The following GSX2 variants were observed in gnomAD, a reference collection of about 807,000 sequenced individuals.
GSX2 encodes the protein genetic-screened homeobox 2.
GSX2 carries 16 observed loss-of-function variants against 19.2 expected under a neutral mutation model. The observed-to-expected ratio is 0.84, with a 90% CI of 0.57 to 1.27. GSX2 has a LOEUF of 1.27. Among genes scored for constraint, GSX2 ranks in the 50% most tolerant of loss-of-function variants. The pLI, the probability that GSX2 is intolerant of heterozygous loss-of-function variation, is 0.00. For missense variants in GSX2, 448 were observed against 428.4 expected, an observed-to-expected ratio of 1.05 and a Z score of -0.40; for synonymous variants, 217 against 196.4, an observed-to-expected ratio of 1.10 and a Z score of -0.88.
At position 54,102,489 on chromosome 4, in the gene GSX2, A is replaced by G. The variant is rs1578005710; in HGVS notation, c.*567A>G. The G allele has an allele frequency of 6.6e-6, 1 of 152,324 alleles. No individual in the cohort carries two copies. Among genetic ancestry groups the G allele is most frequent in the East Asian group, 1.9e-4 (1 of 5,186 alleles). The allele number at this position is 152,324 out of a possible 1,614,324, so 9.4% of individuals were successfully genotyped here. A position where few individuals can be genotyped will look rare whatever the true frequency, so the allele number is the denominator to read the frequency against. On this transcript the variant is annotated 3_prime_UTR_variant, in exon 2 of 2. Coordinates refer to ENST00000326902, the MANE Select transcript of GSX2 (RefSeq NM_133267.3). ...TATATTTATTTAAATAAATGAAACA[A>G]AAACCAGAATTTTAAATCTGTGGTG...
chr4:54,100,365 C>A lies in GSX2; in HGVS notation c.21C>A (p.Val7=), dbSNP rs144560606. The A allele has an allele frequency of 9.0e-5, 146 of 1,613,666 alleles. No individual in the cohort carries two copies. The highest frequency in any genetic ancestry group is 1.2e-4 in the Non-Finnish European group (136 of 1,179,950). MSRSFY[V]DSLIIKDTSR... is the part of the protein sequence containing the mutation. ...TCGACATGTCGCGCTCCTTCTATGTCGACTCGCTCATCATCAAGGACACCT... is the reference window on the plus strand; with the variant it reads ...TCGACATGTCGCGCTCCTTCTATGTAGACTCGCTCATCATCAAGGACACCT... Residue 7 remains valine (V), a synonymous_variant, in exon 1 of 2, where the codon GTC becomes GTA. Coordinates refer to ENST00000326902, the MANE Select transcript of GSX2 (RefSeq NM_133267.3).
chr4:54,100,561 C>T lies in GSX2; in HGVS notation c.217C>T (p.Arg73Trp). The part of the protein sequence containing the change: ...LCVTSHLHSS[R>W]GSVGAGSGGA... ...CGTCACTTCGCACCTGCACTCCTCT[C>T]GGGGGTCTGTGGGCGCCGGCAGCGG... Residue 73 changes from arginine to tryptophan, a missense_variant, in exon 1 of 2, where the codon CGG becomes TGG. Arg to Trp is a moderately radical substitution (Grantham distance 101). Coordinates refer to ENST00000326902, the MANE Select transcript of GSX2 (RefSeq NM_133267.3). 2.5e-6 allele frequency: 4 copies of T among 1,587,206 alleles called. No homozygotes were observed. The highest frequency in any genetic ancestry group is 1.1e-5 in the South Asian group (1 of 88,680).
Position 54,100,684 on chromosome 4 carries a change from G to A in GSX2, c.340G>A (p.Gly114Arg). The change falls in exon 1 of 2, where the codon GGG (glycine) becomes AGG (arginine). Residue 114 changes from glycine to arginine, a missense_variant. Gly to Arg is a moderately radical substitution (Grantham distance 125). Coordinates refer to ENST00000326902, the MANE Select transcript of GSX2 (RefSeq NM_133267.3). ...TAAGGGCCAGTTCTCTTCGGCTCCT[G>A]GGGACGCGCAGTTTTGCCCGCGGGT... ...LLKGQFSSAP[G>R]DAQFCPRVNH... 1 of 1,548,564 alleles carries A rather than the reference G, an allele frequency of 6.5e-7. No individual in the cohort carries two copies. The highest frequency in any genetic ancestry group is 1.4e-5 in the African/African-American group (1 of 72,940).
rs1259404184 is a variant in GSX2, at chr4:54,101,139, C to T, written c.574+221C>T. Among the ~76,000 whole-genome samples the T allele has an allele frequency of 2.0e-5, 3 of 152,244 alleles. No individual in the cohort carries two copies. Among genetic ancestry groups the T allele is most frequent in the African/African-American group, 7.2e-5 (3 of 41,466 alleles). On this transcript the variant is annotated intron_variant, in intron 1 of 1. Transcript: ENST00000326902. This position sits in a 1 kb window ranked among gnomAD's most constrained non-coding sequence, Gnocchi z 5.0. Reference sequence around the variant, plus strand: ...TGCGTTTTACTCCTAGTAGTAGGTGCTCGAGTATTGCCTTATTAATACTGG... The same window carrying T: ...TGCGTTTTACTCCTAGTAGTAGGTGTTCGAGTATTGCCTTATTAATACTGG...
chr4:54,101,998 G>T lies in GSX2; in HGVS notation c.*76G>T. On this transcript the variant is annotated 3_prime_UTR_variant, in exon 2 of 2. Coordinates refer to ENST00000326902, the MANE Select transcript of GSX2 (RefSeq NM_133267.3). This position sits in a 1 kb window ranked among gnomAD's most constrained non-coding sequence, Gnocchi z 5.0. ...CAAGGCGTGGGGCACCCAGGGGCCA[G>T]AATCCTTGCTCATTGCAGTGGTCCC... The T allele has an allele frequency of 7.9e-7, 1 of 1,270,602 alleles. No individual in the cohort carries two copies. Among genetic ancestry groups the T allele is most frequent in the Non-Finnish European group, 1.1e-6 (1 of 928,666 alleles). The allele number at this position is 1,270,602 out of a possible 1,614,324, so 78.7% of individuals were successfully genotyped here.
Position 54,100,483 on chromosome 4 carries a change from G to T in GSX2, c.139G>T (p.Gly47Cys). 6.2e-7 allele frequency: 1 copy of T among 1,613,766 alleles called. No individual in the cohort carries two copies. ...GCCCCCATTGGTGATGTCCGTGTCCGGCCCCGGCTGCCCGTCCCGCAAGAG... is the reference window on the plus strand; with the variant it reads ...GCCCCCATTGGTGATGTCCGTGTCCTGCCCCGGCTGCCCGTCCCGCAAGAG... ...MPPPLVMSVS[G>C]PGCPSRKSGA... The change falls in exon 1 of 2, where the codon GGC becomes TGC. Residue 47 changes from glycine to cysteine, a missense_variant. Coordinates refer to ENST00000326902, the MANE Select transcript of GSX2 (RefSeq NM_133267.3).
At position 54,100,638 on chromosome 4, in the gene GSX2, C is replaced by G; in HGVS notation, c.294C>G (p.Ala98=). The G allele has an allele frequency of 6.5e-7, 1 of 1,547,906 alleles. No individual in the cohort carries two copies. Among genetic ancestry groups the G allele is most frequent in the Non-Finnish European group, 8.7e-7 (1 of 1,146,280 alleles). ...TGAGGSGVAG[A]AGALPLLKGQ... Reference sequence around the variant, plus strand: ...CCGGAGGCAGTGGGGTGGCAGGGGCCGCAGGGGCACTGCCTCTGCTTAAGG... The same window carrying G: ...CCGGAGGCAGTGGGGTGGCAGGGGCGGCAGGGGCACTGCCTCTGCTTAAGG... The change falls in exon 1 of 2, where the codon GCC becomes GCG. Residue 98 remains alanine, a synonymous_variant. Coordinates refer to ENST00000326902, the MANE Select transcript of GSX2 (RefSeq NM_133267.3).
chr4:54,101,008 G>A lies in GSX2; in HGVS notation c.574+90G>A, dbSNP rs1718163829. ...CTCCAGTGGAGGAAGTGGGAGCCCG[G>A]GGACAGGGTGAAGAGAGAGGACGGG... is the stretch of plus-strand genomic sequence containing the variant. On this transcript the variant is annotated intron_variant, in intron 1 of 1. Coordinates refer to ENST00000326902, the MANE Select transcript of GSX2 (RefSeq NM_133267.3). This position sits in a 1 kb window ranked among gnomAD's most constrained non-coding sequence, Gnocchi z 5.0. 1 of 1,139,412 alleles carries A rather than the reference G, an allele frequency of 8.8e-7. No individual in the cohort carries two copies. Among genetic ancestry groups the A allele is most frequent in the African/African-American group, 1.6e-5 (1 of 61,608 alleles). The allele number at this position is 1,139,412 out of a possible 1,614,324, so 70.6% of individuals were successfully genotyped here.
Position 54,101,864 on chromosome 4 carries a change from A to G in GSX2, c.857A>G (p.Asp286Gly). 6.2e-7 allele frequency: 1 copy of G among 1,613,888 alleles called. No individual in the cohort carries two copies. Among genetic ancestry groups the G allele is most frequent in the Non-Finnish European group, 8.5e-7 (1 of 1,179,792 alleles). ...CAGGTGCACTACGCGCGCTCCGAGGATGAGGACTCCCTGTCGCCGGCCTCA... is the reference window on the plus strand; with the variant it reads ...CAGGTGCACTACGCGCGCTCCGAGGGTGAGGACTCCCTGTCGCCGGCCTCA... The part of the protein sequence containing the change: ...GSQVHYARSE[D>G]EDSLSPASAN... The change falls in exon 2 of 2, where the codon GAT becomes GGT. Residue 286 changes from aspartate to glycine, a missense_variant. Physicochemically the swap from Asp to Gly is moderately conservative, Grantham distance 94 (BLOSUM62 -1). Transcript: ENST00000326902. The surrounding 1 kb of genome is among the most constrained non-coding windows in gnomAD (Gnocchi z 5.0).
At position 54,100,397 on chromosome 4, in the gene GSX2, C is replaced by T. The variant is rs1451179519; in HGVS notation, c.53C>T (p.Pro18Leu). ...CTCATCATCAAGGACACCTCACGGC[C>T]TGCGCCCTCGCTGCCTGAACCGCAC... is the stretch of plus-strand genomic sequence containing the variant. ...DSLIIKDTSR[P>L]APSLPEPHPG... The change falls in exon 1 of 2, where the codon CCT (proline) becomes CTT (leucine). Residue 18 changes from proline (P) to leucine (L), a missense_variant. Physicochemically the swap from Pro to Leu is moderately conservative, Grantham distance 98. Transcript: ENST00000326902. The T allele has an allele frequency of 1.9e-6, 3 of 1,614,074 alleles. No individual in the cohort carries two copies. The highest frequency in any genetic ancestry group is 1.7e-6 in the Non-Finnish European group (2 of 1,179,970).
Position 54,101,628 on chromosome 4 carries a change from G to T in GSX2, c.621G>T (p.Thr207=), listed in dbSNP as rs368607199. 4.3e-6 allele frequency: 7 copies of T among 1,613,896 alleles called. No individual in the cohort carries two copies. In the African/African-American group the frequency reaches 5.3e-5, roughly 12 times the overall value. ...SQVPNGKRMR[T]AFTSTQLLEL... Reference sequence around the variant, plus strand: ...TACCCAATGGCAAGAGGATGAGGACGGCGTTCACTAGCACGCAACTCCTGG... The same window carrying T: ...TACCCAATGGCAAGAGGATGAGGACTGCGTTCACTAGCACGCAACTCCTGG... The change falls in exon 2 of 2, where the codon ACG becomes ACT. Residue 207 remains threonine (T), a synonymous_variant. Transcript: ENST00000326902. The surrounding 1 kb of genome is among the most constrained non-coding windows in gnomAD (Gnocchi z 5.0).
chr4:54,101,040 G>A lies in GSX2; in HGVS notation c.574+122G>A, dbSNP rs536606007. 6 of 860,408 alleles carry A rather than the reference G, an allele frequency of 7.0e-6. No individual in the cohort carries two copies. The highest frequency in any genetic ancestry group is 1.0e-5 in the Non-Finnish European group (6 of 592,778). 53.3% of individuals were successfully genotyped at this position (860,408 alleles called of 1,614,324 possible). On this transcript the variant is annotated intron_variant, in intron 1 of 1. Coordinates refer to ENST00000326902, the MANE Select transcript of GSX2 (RefSeq NM_133267.3). This position sits in a 1 kb window ranked among gnomAD's most constrained non-coding sequence, Gnocchi z 5.0. ...GGTGAAGAGAGAGGACGGGCTTTTAGTGTAACCGTAGAGTCAGCCACAGAA... is the reference window on the plus strand; with the variant it reads ...GGTGAAGAGAGAGGACGGGCTTTTAATGTAACCGTAGAGTCAGCCACAGAA...
In GSX2 at chr4:54,100,407, G is replaced by C. The variant is rs897696944; in HGVS notation, c.63G>C (p.Ser21=). The C allele has an allele frequency of 6.2e-7, 1 of 1,613,858 alleles. No homozygotes were observed. Among genetic ancestry groups the C allele is most frequent in the Admixed American group, 1.7e-5 (1 of 59,998 alleles). The change falls in exon 1 of 2, where the codon TCG becomes TCC. Residue 21 remains serine (S), a synonymous_variant. Transcript: ENST00000326902. ...IIKDTSRPAP[S]LPEPHPGPDF... ...AGGACACCTCACGGCCTGCGCCCTC[G>C]CTGCCTGAACCGCACCCCGGGCCGG... is the stretch of plus-strand genomic sequence containing the variant.
Position 54,101,672 on chromosome 4 carries a change from C to T in GSX2, c.665C>T (p.Ser222Phe). The change falls in exon 2 of 2, where the codon TCT becomes TTT. Residue 222 changes from serine to phenylalanine, a missense_variant. Transcript: ENST00000326902. The surrounding 1 kb of genome is among the most constrained non-coding windows in gnomAD (Gnocchi z 5.0). ...TQLLELEREF[S>F]SNMYLSRLRR... The stretch of plus-strand genomic sequence containing the variant: ...CTCCTGGAGCTGGAGAGAGAATTCT[C>T]TTCCAACATGTACCTGTCTCGACTC... The T allele has an allele frequency of 2.5e-6, 4 of 1,614,148 alleles. No homozygotes were observed. The highest frequency in any genetic ancestry group is 3.4e-6 in the Non-Finnish European group (4 of 1,179,972).
chr4:54,101,944 T>A lies in GSX2; in HGVS notation c.*22T>A. 1 of 1,529,700 alleles carries A rather than the reference T, an allele frequency of 6.5e-7. No individual in the cohort carries two copies. Among genetic ancestry groups the A allele is most frequent in the African/African-American group, 1.4e-5 (1 of 73,210 alleles). 94.8% of individuals were successfully genotyped at this position (1,529,700 alleles called of 1,614,324 possible). Reference sequence around the variant, plus strand: ...ATGAGGGAGGGCCTCCTCCCTCACATCCCCCGCTCCTGGCAGACCAGGCAA... The same window carrying A: ...ATGAGGGAGGGCCTCCTCCCTCACAACCCCCGCTCCTGGCAGACCAGGCAA... On this transcript the variant is annotated 3_prime_UTR_variant, in exon 2 of 2. Coordinates refer to ENST00000326902, the MANE Select transcript of GSX2 (RefSeq NM_133267.3). This position sits in a 1 kb window ranked among gnomAD's most constrained non-coding sequence, Gnocchi z 5.0.
At position 54,100,658 on chromosome 4, in the gene GSX2, T is replaced by A. The variant is rs866843178; in HGVS notation, c.314T>A (p.Leu105His). Residue 105 changes from leucine (L) to histidine (H), a missense_variant, in exon 1 of 2, where the codon CTT becomes CAT. Coordinates refer to ENST00000326902, the MANE Select transcript of GSX2 (RefSeq NM_133267.3). ...GGGGCCGCAGGGGCACTGCCTCTGC[T>A]TAAGGGCCAGTTCTCTTCGGCTCCT... ...VAGAAGALPL[L>H]KGQFSSAPGD... The A allele has an allele frequency of 2.6e-6, 4 of 1,548,884 alleles. No homozygotes were observed. In the Middle Eastern group the frequency reaches 5.1e-4, roughly 197 times the overall value.
rs1718162190 is a variant in GSX2 at position 54,100,910 on chromosome 4, T to C, written c.566T>C (p.Leu189Pro). 1 of 1,564,010 alleles carries C rather than the reference T, an allele frequency of 6.4e-7. No homozygotes were observed. Among genetic ancestry groups the C allele is most frequent in the African/African-American group, 1.4e-5 (1 of 73,448 alleles). ...NVADPRRFHCLTMGGSDASQV... is the reference protein window; with the variant it reads ...NVADPRRFHCPTMGGSDASQV... ...GCGGACCCGCGGAGATTCCACTGCC[T>C]CACCATGGGTAGGGCGGGGTCTTGG... Residue 189 changes from leucine to proline, a missense_variant, in exon 1 of 2, where the codon CTC (leucine) becomes CCC (proline). Leu to Pro is a moderately conservative substitution (Grantham distance 98). Coordinates refer to ENST00000326902, the MANE Select transcript of GSX2 (RefSeq NM_133267.3).
chr4:54,101,046 CCG>C lies in GSX2; in HGVS notation c.574+129_574+130del. The C allele has an allele frequency of 2.5e-6, 2 of 815,162 alleles. No homozygotes were observed. Among genetic ancestry groups the C allele is most frequent in the South Asian group, 3.9e-5 (2 of 51,500 alleles). 50.5% of individuals were successfully genotyped at this position (815,162 alleles called of 1,614,324 possible). ...GAGAGAGGACGGGCTTTTAGTGTAA[CCG>C]TAGAGTCAGCCACAGAAGTTCCACG... On this transcript the variant is annotated intron_variant, in intron 1 of 1. Transcript: ENST00000326902. The surrounding 1 kb of genome is among the most constrained non-coding windows in gnomAD (Gnocchi z 5.0).
chr4:54,101,762 A>G lies in GSX2; in HGVS notation c.755A>G (p.Asn252Ser). Residue 252 changes from asparagine to serine, a missense_variant, in exon 2 of 2, where the codon AAC (asparagine) becomes AGC (serine). Asn to Ser is a conservative substitution (Grantham distance 46). Coordinates refer to ENST00000326902, the MANE Select transcript of GSX2 (RefSeq NM_133267.3). The surrounding 1 kb of genome is among the most constrained non-coding windows in gnomAD (Gnocchi z 5.0). The stretch of plus-strand genomic sequence containing the variant: ...AAGCAGGTGAAAATCTGGTTTCAGA[A>G]CCGCCGAGTGAAGCACAAGAAGGAG... ...SEKQVKIWFQ[N>S]RRVKHKKEGK... 1 of 1,614,202 alleles carries G rather than the reference A, an allele frequency of 6.2e-7. No individual in the cohort carries two copies. The highest frequency in any genetic ancestry group is 8.5e-7 in the Non-Finnish European group (1 of 1,180,026).
Sources: gnomAD v4.1 joint callset for allele counts (sites outside exome capture counted in the v4.1 genomes callset) on GRCh38, gnomAD v4.1.1 for gene constraint, Gnocchi (gnomAD v3.1) non-coding constraint, MANE v1.5 for transcripts, NCBI Gene and HGNC (gene_info 2026-07-23, HGNC 2026-07-21) for gene names.